The following MTSS1 variants were observed in gnomAD, a reference collection of about 807,000 sequenced individuals.
The protein encoded by MTSS1 is protein MTSS 1.
MTSS1 carries 18 observed loss-of-function variants against 79.0 expected under a neutral mutation model. The ratio of observed to expected loss-of-function variants is 0.23; its 90% CI spans 0.16 to 0.34. The LOEUF (loss-of-function observed/expected upper bound fraction) is 0.34, where lower values mean the gene tolerates loss of function less well. Ranked by LOEUF, MTSS1 falls within the 10% of genes least tolerant of loss-of-function variation. The pLI is 1.00. For missense variants in MTSS1, 815 were observed against 986.2 expected (o/e 0.83, Z 2.33); for synonymous variants, 341 against 368.6 (o/e 0.93, Z 0.86).
At chr8:124,646,619 G>A (rs1819040606) in intron 3 of MTSS1, among the ~76,000 whole-genome samples, 1 of 152,078 alleles carries the variant, frequency 6.6e-6, no homozygotes, top group Non-Finnish European at 1.5e-5. Flanking sequence ...GATGAAAGCA[G>A]GGTTTCTCAA....
chr8:124,614,041 G>A (rs1836365349), intron 3 of MTSS1, among the ~76,000 whole-genome samples: 4 of 151,796 alleles, frequency 2.6e-5, no homozygotes, highest in African/African-American at 7.3e-5. Context: ...GTCTGCATCT[G>A]TAGTCCCAGC....
intron 3 of MTSS1, among the ~76,000 whole-genome samples, chr8:124,658,556 G>C (rs1821409421): frequency 6.6e-6 from 1 of 152,176 alleles, no homozygotes; most frequent in South Asian, 2.1e-4. Flanking sequence ...AGTTCCACAG[G>C]CTGTACAGGA....
In MTSS1 at chr8:124,631,271, G is replaced by A. The variant is rs546258715; in HGVS notation, c.209-40036C>T. On this transcript the variant is annotated intron_variant, in intron 3 of 13. Transcript: ENST00000518547. The stretch of plus-strand genomic sequence containing the variant: ...GCTCCCGAGGACAGCACAGACAAAG[G>A]TCACTACCTTGACCCACCAATCTCC... Among the ~76,000 whole-genome samples, 82 of 152,240 alleles carry A rather than the reference G, an allele frequency of 5.4e-4. 1 individual carries two copies. The South Asian group carries it at 0.017, about 31-fold the overall frequency.
At chr8:124,591,955 A>T (rs1019781338) in intron 3 of MTSS1, among the ~76,000 whole-genome samples, 55 of 149,460 alleles carry the variant, frequency 3.7e-4, no homozygotes, top group African/African-American at 1.3e-3. Context: ...TGATTTTTTT[A>T]TTTTTTTTTT....
intron 1 of MTSS1, among the ~76,000 whole-genome samples, chr8:124,705,824 G>A (rs972417087): frequency 1.3e-5 from 2 of 152,132 alleles, no homozygotes; most frequent in Non-Finnish European, 2.9e-5. Flanking sequence ...TGTCGTGGGG[G>A]GCTGTCCTGC....
Position 124,567,097 on chromosome 8 carries a change from G to A in MTSS1, c.700C>T (p.His234Tyr). 1.2e-6 allele frequency: 2 copies of A among 1,614,006 alleles called. No homozygotes were observed. Among genetic ancestry groups the A allele is most frequent in the Non-Finnish European group, 1.7e-6 (2 of 1,179,818 alleles). The change falls in exon 8 of 14, where the codon CAC becomes TAC. Residue 234 changes from histidine (H) to tyrosine (Y), a missense_variant. Coordinates refer to ENST00000518547, the MANE Select transcript of MTSS1 (RefSeq NM_014751.6). ...TGTTCACTTGAGGAGGGCAGTTTGT[G>A]AGGGTCCATGGTCAGGCTTTTTAGA... Reference protein sequence around the residue: ...EDLKSLTMDPHKLPSSSEQVI... With the variant: ...EDLKSLTMDPYKLPSSSEQVI...
chr8:124,690,291 G>A lies in MTSS1; in HGVS notation c.208+9235C>T, dbSNP rs112417614. 1.1e-3 allele frequency among the ~76,000 whole-genome samples: 169 copies of A among 152,260 alleles called. 2 individuals carry two copies. Among genetic ancestry groups the A allele is most frequent in the African/African-American group, 3.8e-3 (158 of 41,530 alleles). ...GGGGAAATACACTAAAGCCTAATGG[G>A]GAAACCCCATTGAATGGAGCAAGAC... On this transcript the variant is annotated intron_variant, in intron 3 of 13. Transcript: ENST00000518547.
chr8:124,713,505 C>T (rs1831468377), intron 1 of MTSS1, among the ~76,000 whole-genome samples: 2 of 152,220 alleles, frequency 1.3e-5, no homozygotes, highest in African/African-American at 2.4e-5. Flanking sequence ...CTCACTGCAA[C>T]CTCCGACTAT....
chr8:124,571,154 A>G (rs1056516331), intron 6 of MTSS1, among the ~76,000 whole-genome samples: 1 of 152,190 alleles, frequency 6.6e-6, no homozygotes, highest in African/African-American at 2.4e-5. Flanking sequence ...GTAGACAAGA[A>G]ACCTGTAAAA....
At chr8:124,696,428 C>T (rs189538115) in intron 3 of MTSS1, among the ~76,000 whole-genome samples, 2 of 140,506 alleles carry the variant, frequency 1.4e-5, no homozygotes, top group Admixed American at 7.2e-5. Flanking sequence ...TTCTTTCTAT[C>T]ACCCATATAC....
intron 8 of MTSS1, 101 bp downstream of exon 8, chr8:124,566,970 G>A (rs1826626631): frequency 1.2e-6 from 1 of 864,980 alleles, no homozygotes; most frequent in Non-Finnish European, 1.9e-6. Flanking sequence ...TGGTGAATAT[G>A]ACTACAATTT....
At chr8:124,721,020 A>C in intron 1 of MTSS1, among the ~76,000 whole-genome samples, 1 of 152,136 alleles carries the variant, frequency 6.6e-6, no homozygotes, top group East Asian at 1.9e-4. Flanking sequence ...TAGCTCCAGA[A>C]TTTCTATGGA....
At chr8:124,666,320 G>C (rs1823061467) in intron 3 of MTSS1, among the ~76,000 whole-genome samples, 1 of 152,210 alleles carries the variant, frequency 6.6e-6, no homozygotes, top group African/African-American at 2.4e-5. Context: ...ACAAGGGCAA[G>C]GCAGCCATGC....
chr8:124,624,494 G>T (rs1814262794), intron 3 of MTSS1, among the ~76,000 whole-genome samples: 1 of 152,158 alleles, frequency 6.6e-6, no homozygotes, highest in Non-Finnish European at 1.5e-5. Flanking sequence ...GAATCACAGG[G>T]GCAGTGTCTA....
Position 124,655,287 on chromosome 8 carries a change from ACT to A in MTSS1, c.208+44237_208+44238del, listed in dbSNP as rs918977645. Among the ~76,000 whole-genome samples the A allele has an allele frequency of 2.2e-4, 33 of 152,314 alleles. 1 individual carries two copies. The highest frequency in any genetic ancestry group is 3.4e-3 in the Middle Eastern group (1 of 294). On this transcript the variant is annotated intron_variant, in intron 3 of 13. Transcript: ENST00000518547. ...TTTGTTCTCAAAGTCATTGCAAATA[ACT>A]CTAAGAAACAACACATTAGATGCTG...
At chr8:124,669,793 A>G (rs888400013) in intron 3 of MTSS1, among the ~76,000 whole-genome samples, 2 of 152,222 alleles carry the variant, frequency 1.3e-5, no homozygotes, top group African/African-American at 4.8e-5. Context: ...CTGGTAAAAG[A>G]AAGTGGATAG....
Position 124,582,244 on chromosome 8 carries a change from TA to T in MTSS1, c.460+2842del, listed in dbSNP as rs964733137. ...AAGCTGCTAAAAAATGATTTTGAGA[TA>T]AAACCTACCAAAGGCAAACCATTGA... On this transcript the variant is annotated intron_variant, in intron 6 of 13. Coordinates refer to ENST00000518547, the MANE Select transcript of MTSS1 (RefSeq NM_014751.6). The surrounding 1 kb of genome is among the most constrained non-coding windows in gnomAD (Gnocchi z 4.8). Among the ~76,000 whole-genome samples, 6 of 152,190 alleles carry T rather than the reference TA, an allele frequency of 3.9e-5. No homozygotes were observed. Among genetic ancestry groups the T allele is most frequent in the African/African-American group, 1.4e-4 (6 of 41,448 alleles).
intron 13 of MTSS1, among the ~76,000 whole-genome samples, chr8:124,554,913 G>T (rs1823263771): frequency 6.6e-6 from 1 of 151,992 alleles, no homozygotes; most frequent in Non-Finnish European, 1.5e-5. Context: ...ATGCAGTCAT[G>T]GATCACTGCA....
intron 3 of MTSS1, among the ~76,000 whole-genome samples, chr8:124,591,649 C>T (rs757666913): frequency 1.3e-5 from 2 of 152,204 alleles, no homozygotes; most frequent in African/African-American, 2.4e-5. Flanking sequence ...CTTTTCTCAA[C>T]AATTCTGACA....
Sources: gnomAD v4.1 joint callset for allele counts (sites outside exome capture counted in the v4.1 genomes callset) on GRCh38, gnomAD v4.1.1 for gene constraint, Gnocchi (gnomAD v3.1) non-coding constraint, MANE v1.5 for transcripts, NCBI Gene and HGNC (gene_info 2026-07-23, HGNC 2026-07-21) for gene names.